The following GALNT10 variants were observed in gnomAD, a reference collection of about 807,000 sequenced individuals.
GALNT10 encodes the protein GalNAc transferase 10.
Under a neutral mutation model 75.0 loss-of-function variants are expected in GALNT10, and 41 were observed. The observed-to-expected ratio is 0.55, with a 90% CI of 0.43 to 0.71. The LOEUF is 0.71. Among genes scored for constraint, GALNT10 ranks in the 30% least tolerant of loss-of-function variants. The pLI, the probability that GALNT10 is intolerant of heterozygous loss-of-function variation, is 0.00. For missense variants in GALNT10, 727 were observed against 818.5 expected (o/e 0.89, Z 1.36); for synonymous variants, 302 against 313.0 (o/e 0.96, Z 0.37).
chr5:154,393,609 T>C (rs1003731004), intron 7 of GALNT10, among the ~76,000 whole-genome samples: 2 of 151,674 alleles, frequency 1.3e-5, no homozygotes, highest in African/African-American at 4.9e-5. Flanking sequence ...GAGGCAGGAG[T>C]ATTGCTTGAG....
In GALNT10 at chr5:154,412,901, G is replaced by A; in HGVS notation, c.1399G>A (p.Gly467Ser). Residue 467 changes from glycine to serine, a missense_variant, in exon 10 of 12, where the codon GGC (glycine) becomes AGC (serine). Physicochemically the swap from Gly to Ser is moderately conservative, Grantham distance 56. Coordinates refer to ENST00000297107, the MANE Select transcript of GALNT10 (RefSeq NM_198321.4). The surrounding 1 kb of genome is among the most constrained non-coding windows in gnomAD (Gnocchi z 4.2). The stretch of plus-strand genomic sequence containing the variant: ...CTTTCCCTTTCAGATCCGAAATGTG[G>A]GCACAGGGCTGTGTGCAGACACAAA... ...AAAWGEIRNV[G>S]TGLCADTKHG... 1.2e-6 allele frequency: 2 copies of A among 1,611,460 alleles called. No individual in the cohort carries two copies. The highest frequency in any genetic ancestry group is 1.1e-5 in the South Asian group (1 of 91,028).
chr5:154,206,126 C>T (rs1400040192), intron 1 of GALNT10, among the ~76,000 whole-genome samples: 1 of 152,174 alleles, frequency 6.6e-6, no homozygotes, highest in Non-Finnish European at 1.5e-5. Flanking sequence ...TCTCTTCTAG[C>T]TACTTACATT....
intron 1 of GALNT10, among the ~76,000 whole-genome samples, chr5:154,239,582 G>A (rs539419486): frequency 6.6e-6 from 1 of 151,798 alleles, no homozygotes; most frequent in Admixed American, 6.6e-5. Flanking sequence ...GTCCCCATCC[G>A]TGGAAAAATT....
At chr5:154,358,941 G>T (rs59914546) in intron 4 of GALNT10, among the ~76,000 whole-genome samples, 7,540 of 152,196 alleles carry the variant, frequency 0.05, 610 homozygotes, top group African/African-American at 0.17. Context: ...ATATGCCTTC[G>T]TCAGAGTGTT....
Position 154,298,561 on chromosome 5 carries a change from G to A in GALNT10, c.401+482G>A, listed in dbSNP as rs775092930. On this transcript the variant is annotated intron_variant, in intron 3 of 11. Coordinates refer to ENST00000297107, the MANE Select transcript of GALNT10 (RefSeq NM_198321.4). This position sits in a 1 kb window ranked among gnomAD's most constrained non-coding sequence, Gnocchi z 4.1. ...TTTGAACCGGTACTATGTGCCAAACGCTTTATTTGTATCATCTCAGGTTGC... is the reference window on the plus strand; with the variant it reads ...TTTGAACCGGTACTATGTGCCAAACACTTTATTTGTATCATCTCAGGTTGC... Among the ~76,000 whole-genome samples, 4 of 152,130 alleles carry A rather than the reference G, an allele frequency of 2.6e-5. No individual in the cohort carries two copies. Among genetic ancestry groups the A allele is most frequent in the Non-Finnish European group, 2.9e-5 (2 of 68,022 alleles).
intron 1 of GALNT10, among the ~76,000 whole-genome samples, chr5:154,213,098 A>G (rs1317436226): frequency 6.6e-6 from 1 of 152,176 alleles, no homozygotes; most frequent in Non-Finnish European, 1.5e-5. Context: ...TGTAATATGC[A>G]TATAAAACTA....
intron 1 of GALNT10, among the ~76,000 whole-genome samples, chr5:154,246,428 G>A (rs1247334809): frequency 6.6e-6 from 1 of 152,178 alleles, no homozygotes; most frequent in African/African-American, 2.4e-5. Context: ...CCCACCAACA[G>A]TGCAAAAATG....
chr5:154,235,920 A>G (rs1753239173), intron 1 of GALNT10, among the ~76,000 whole-genome samples: 1 of 152,196 alleles, frequency 6.6e-6, no homozygotes, highest in Non-Finnish European at 1.5e-5. Flanking sequence ...AGACCTGGAA[A>G]TCCATAATTT....
At chr5:154,324,675 G>T (rs1286818343) in intron 3 of GALNT10, among the ~76,000 whole-genome samples, 4 of 152,088 alleles carry the variant, frequency 2.6e-5, no homozygotes, top group African/African-American at 4.8e-5. Flanking sequence ...AATAAAAATT[G>T]CTGGGCCCCA....
rs1164237797 is a variant in GALNT10, at chr5:154,248,326, A to C, written c.160-46490A>C. Among the ~76,000 whole-genome samples, 8 of 152,354 alleles carry C rather than the reference A, an allele frequency of 5.3e-5. No homozygotes were observed. The East Asian group carries it at 1.3e-3, about 26-fold the overall frequency. On this transcript the variant is annotated intron_variant, in intron 1 of 11. Transcript: ENST00000297107. ...GGTATCAGGATGATGCTGGCCTCAT[A>C]AAATGAGTTAGGGAGGATTCCCTCT... is the stretch of plus-strand genomic sequence containing the variant.
chr5:154,384,185 A>G (rs1024042985), intron 6 of GALNT10, among the ~76,000 whole-genome samples: 5 of 152,162 alleles, frequency 3.3e-5, no homozygotes, highest in Admixed American at 2.0e-4. Flanking sequence ...TACGGTAACT[A>G]CAGTTCAAGA....
At chr5:154,285,480 C>T (rs1389541066) in intron 1 of GALNT10, among the ~76,000 whole-genome samples, 1 of 152,160 alleles carries the variant, frequency 6.6e-6, no homozygotes, top group African/African-American at 2.4e-5. Context: ...AGGTGGGTTT[C>T]ACCTGCATCT....
At chr5:154,210,878 T>C (rs1303063048) in intron 1 of GALNT10, among the ~76,000 whole-genome samples, 1 of 152,228 alleles carries the variant, frequency 6.6e-6, no homozygotes, top group Non-Finnish European at 1.5e-5. Context: ...AAATGCACAC[T>C]GAAGAATTTA....
intron 4 of GALNT10, among the ~76,000 whole-genome samples, chr5:154,341,822 C>A (rs1192462029): frequency 6.6e-6 from 1 of 152,152 alleles, no homozygotes; most frequent in East Asian, 1.9e-4. Context: ...GTCCTTGCCC[C>A]CTTTAGGCTG....
chr5:154,412,923 CAA>C lies in GALNT10; in HGVS notation c.1423_1424del (p.Lys475AlafsTer50). The C allele has an allele frequency of 6.2e-7, 1 of 1,613,738 alleles. No individual in the cohort carries two copies. Among genetic ancestry groups the C allele is most frequent in the Non-Finnish European group, 8.5e-7 (1 of 1,179,736 alleles). On this transcript the variant is annotated frameshift_variant, in exon 10 of 12. Coordinates refer to ENST00000297107, the MANE Select transcript of GALNT10 (RefSeq NM_198321.4). LOFTEE classifies it high-confidence loss of function. The surrounding 1 kb of genome is among the most constrained non-coding windows in gnomAD (Gnocchi z 4.2). ...GTGGGCACAGGGCTGTGTGCAGACACAAAGCACGGGGCCTTGGGCTCCCCACT... is the reference window on the plus strand; with the variant it reads ...GTGGGCACAGGGCTGTGTGCAGACACAGCACGGGGCCTTGGGCTCCCCACT...
At chr5:154,269,152 A>AT (rs1182317010) in intron 1 of GALNT10, among the ~76,000 whole-genome samples, 2 of 137,390 alleles carry the variant, frequency 1.5e-5, no homozygotes, top group African/African-American at 5.5e-5. Flanking sequence ...CACCCGGCTA[A>AT]TTTTTTGTAT....
intron 4 of GALNT10, among the ~76,000 whole-genome samples, chr5:154,365,702 C>T (rs543279221): frequency 6.6e-6 from 1 of 152,320 alleles, no homozygotes; most frequent in African/African-American, 2.4e-5. Context: ...TCTCCAAAGT[C>T]CCCTAGGCCA....
At chr5:154,227,773 C>T (rs1387058829) in intron 1 of GALNT10, among the ~76,000 whole-genome samples, 3 of 151,520 alleles carry the variant, frequency 2.0e-5, no homozygotes, top group Non-Finnish European at 4.4e-5. Flanking sequence ...ATGTTTTCTC[C>T]TAGATGTTTT....
chr5:154,328,270 G>A (rs940823003), intron 3 of GALNT10, among the ~76,000 whole-genome samples: 1 of 152,152 alleles, frequency 6.6e-6, no homozygotes, highest in African/African-American at 2.4e-5. Context: ...TAATTCTTCT[G>A]GGTGTTATAA....
Sources: allele counts gnomAD v4.1 joint callset (sites outside exome capture counted in the v4.1 genomes callset), GRCh38; gene constraint gnomAD v4.1.1; non-coding constraint Gnocchi (gnomAD v3.1); transcripts MANE v1.5; gene names NCBI Gene and HGNC (gene_info 2026-07-23, HGNC 2026-07-21).